The following PGR variants were observed in gnomAD, a reference collection of about 807,000 sequenced individuals.
The protein encoded by PGR is nuclear receptor subfamily 3 group C member 3.
In PGR, 25 loss-of-function variants were observed where a neutral mutation model predicts 76.1. That is an observed-to-expected ratio of 0.33 (90% CI 0.24 to 0.46). The LOEUF is 0.46. Among genes scored for constraint, PGR ranks in the 20% least tolerant of loss-of-function variants. PGR has a pLI of 1.00. For synonymous variants in PGR, 579 were observed against 535.0 expected (o/e 1.08, Z -1.14); for missense variants, 1,172 against 1,225.3 (o/e 0.96, Z 0.65).
At chr11:101,041,784 A>T in intron 7 of PGR, 161 bp downstream of exon 7, 1 of 642,456 alleles carries the variant, frequency 1.6e-6, no homozygotes, top group South Asian at 2.0e-5. Flanking sequence ...AAAATGAAAA[A>T]AAAACACAAT....
intron 3 of PGR, among the ~76,000 whole-genome samples, chr11:101,065,928 G>C (rs1860696803): frequency 1.3e-5 from 2 of 152,126 alleles, no homozygotes; most frequent in Non-Finnish European, 2.9e-5. Context: ...GCTCCATTTG[G>C]AGAATATTTT....
chr11:101,051,401 A>T, intron 5 of PGR, 23 bp downstream of exon 5: 1 of 1,544,962 alleles, frequency 6.5e-7, no homozygotes, highest in Non-Finnish European at 8.9e-7. Flanking sequence ...AAAATAACAA[A>T]AACAACAAAA....
At chr11:101,059,842 CAAAAAAAAA>C (rs781123527) in intron 4 of PGR, among the ~76,000 whole-genome samples, 1 of 62,808 alleles carries the variant, frequency 1.6e-5, no homozygotes, top group Non-Finnish European at 3.2e-5. Flanking sequence ...GACCCTCTCT[CAAAAAAAAA>C]AAAAAAAAAA....
chr11:101,070,820 A>G (rs113074456), intron 3 of PGR, among the ~76,000 whole-genome samples: 1 of 152,222 alleles, frequency 6.6e-6, no homozygotes, highest in Non-Finnish European at 1.5e-5. Flanking sequence ...CAGCAGCCCC[A>G]GTCAGGGGCT....
At chr11:101,093,356 G>A (rs185008740) in intron 2 of PGR, among the ~76,000 whole-genome samples, 44 of 151,860 alleles carry the variant, frequency 2.9e-4, no homozygotes, top group Non-Finnish European at 6.2e-4. Flanking sequence ...GGCTATAGGA[G>A]TGACTGTGAG....
chr11:101,046,008 A>G (rs1035206371), intron 6 of PGR, among the ~76,000 whole-genome samples: 2 of 152,128 alleles, frequency 1.3e-5, no homozygotes, highest in African/African-American at 4.8e-5. Context: ...AAGGTTACCA[A>G]CCAATCCCTA....
intron 2 of PGR, among the ~76,000 whole-genome samples, chr11:101,100,458 C>A (rs928523951): frequency 6.6e-6 from 1 of 152,100 alleles, no homozygotes; most frequent in Non-Finnish European, 1.5e-5. Context: ...AGCATGAGAA[C>A]AGACTAATAC....
At position 101,030,751 on chromosome 11, in the gene PGR, A is replaced by G. The variant is rs1401268010; in HGVS notation, c.*8365T>C. The G allele has an allele frequency of 9.7e-6, 2 of 205,446 alleles. No homozygotes were observed. Among genetic ancestry groups the G allele is most frequent in the Non-Finnish European group, 2.0e-5 (2 of 100,376 alleles). 12.7% of individuals were successfully genotyped at this position (205,446 alleles called of 1,614,324 possible). On this transcript the variant is annotated 3_prime_UTR_variant, in exon 8 of 8. Transcript: ENST00000325455. ...CTTTCTCAAGCGAAAAACATGGTCT[A>G]AATCTCAAAGGTATCCTTAAAAGGT...
At chr11:101,057,885 T>C (rs1860349665) in intron 4 of PGR, among the ~76,000 whole-genome samples, 1 of 152,158 alleles carries the variant, frequency 6.6e-6, no homozygotes, top group Non-Finnish European at 1.5e-5. Flanking sequence ...AGTAGTTTTG[T>C]AGAGGGTCTG....
chr11:101,112,394 G>A (rs185271181), intron 2 of PGR, among the ~76,000 whole-genome samples: 12 of 152,294 alleles, frequency 7.9e-5, no homozygotes, highest in African/African-American at 2.9e-4. Flanking sequence ...CTGTCCTTGA[G>A]TCAGCAGGAG....
intron 2 of PGR, among the ~76,000 whole-genome samples, chr11:101,094,862 TC>T (rs1170564823): frequency 6.6e-6 from 1 of 152,162 alleles, no homozygotes; most frequent in East Asian, 1.9e-4. Context: ...GGTCTCTGCC[TC>T]CATGGATGGA....
intron 3 of PGR, among the ~76,000 whole-genome samples, chr11:101,068,987 G>A: frequency 6.6e-6 from 1 of 152,116 alleles, no homozygotes; most frequent in South Asian, 2.1e-4. Flanking sequence ...AACACCAAAA[G>A]CAATGGCAAC....
At chr11:101,045,279 T>C (rs1237079154) in intron 6 of PGR, among the ~76,000 whole-genome samples, 2 of 152,224 alleles carry the variant, frequency 1.3e-5, no homozygotes, top group African/African-American at 4.8e-5. Flanking sequence ...AACTCTAGTA[T>C]GTACATCTAT....
chr11:101,094,254 T>C (rs1035298658), intron 2 of PGR, among the ~76,000 whole-genome samples: 2 of 152,246 alleles, frequency 1.3e-5, no homozygotes, highest in African/African-American at 2.4e-5. Context: ...ACTTCCTTTA[T>C]TCCTATGTGG....
chr11:101,057,963 T>C (rs1158923241), intron 4 of PGR, among the ~76,000 whole-genome samples: 1 of 152,134 alleles, frequency 6.6e-6, no homozygotes, highest in Non-Finnish European at 1.5e-5. Context: ...TGAATGAGCT[T>C]ATGCAGACTG....
chr11:101,118,863 C>T (rs1389177353), intron 2 of PGR, among the ~76,000 whole-genome samples: 2 of 152,178 alleles, frequency 1.3e-5, no homozygotes, highest in Non-Finnish European at 2.9e-5. Context: ...GGAAGATATA[C>T]AGAGTATGTG....
chr11:101,099,218 C>A (rs534852553), intron 2 of PGR, among the ~76,000 whole-genome samples: 2 of 152,294 alleles, frequency 1.3e-5, no homozygotes, highest in Non-Finnish European at 2.9e-5. Flanking sequence ...TTATTCAATG[C>A]ATTATTATAC....
chr11:101,040,534 T>C (rs1214256802), intron 7 of PGR, among the ~76,000 whole-genome samples: 2 of 152,100 alleles, frequency 1.3e-5, no homozygotes, highest in Non-Finnish European at 2.9e-5. Context: ...TATGAAATTC[T>C]TTGAAGATTT....
chr11:101,046,297 T>TG (rs1859883026), intron 6 of PGR, among the ~76,000 whole-genome samples: 1 of 12,018 alleles, frequency 8.3e-5, no homozygotes, highest in Non-Finnish European at 1.8e-4. Flanking sequence ...GGCTAATTTT[T>TG]TTTTTTTTTT....
Sources: allele counts gnomAD v4.1 joint callset (sites outside exome capture counted in the v4.1 genomes callset), GRCh38; gene constraint gnomAD v4.1.1; transcripts MANE v1.5; gene names NCBI Gene and HGNC (gene_info 2026-07-23, HGNC 2026-07-21).